Variants in SYNE2 observed in about 807,000 individuals in gnomAD.
SYNE2 encodes the protein spectrin repeat containing nuclear envelope protein 2.
A neutral mutation model predicts 856.3 loss-of-function variants in SYNE2; 431 were observed. That is an observed-to-expected ratio of 0.50 (90% CI 0.47 to 0.55). The LOEUF is 0.55. Among genes scored for constraint, SYNE2 ranks in the 20% least tolerant of loss-of-function variants. The probability of loss-of-function intolerance (pLI) is 0.00; values close to 1 mark genes in which losing one functional copy is unlikely to be tolerated. For missense variants in SYNE2, 8,129 were observed against 8,023.2 expected (o/e 1.01, Z -0.50); for synonymous variants, 2,923 against 2,872.3 (o/e 1.02, Z -0.56).
At chr14:63,831,004 C>G (rs1382807956) in intron 1 of SYNE2, among the ~76,000 whole-genome samples, 1 of 151,930 alleles carries the variant, frequency 6.6e-6, no homozygotes, top group Non-Finnish European at 1.5e-5. Flanking sequence ...CCCTGCCCGG[C>G]TAATTTTTGT....
At chr14:63,807,588 T>G (rs924382592) in intron 1 of SYNE2, among the ~76,000 whole-genome samples, 3 of 151,102 alleles carry the variant, frequency 2.0e-5, no homozygotes, top group Non-Finnish European at 4.4e-5. Flanking sequence ...TAGAAATTGG[T>G]TTTTTCTCTC....
intron 1 of SYNE2, among the ~76,000 whole-genome samples, chr14:63,796,582 G>C (rs1420825363): frequency 6.6e-5 from 10 of 152,088 alleles, no homozygotes; most frequent in Admixed American, 6.6e-4. Flanking sequence ...GAAGATATAT[G>C]TTTTCCAATT....
At chr14:63,808,310 G>A (rs926434528) in intron 1 of SYNE2, among the ~76,000 whole-genome samples, 1 of 151,958 alleles carries the variant, frequency 6.6e-6, no homozygotes. Context: ...CCAACATGGT[G>A]AAACCCTGTC....
At chr14:64,210,506 AC>A (rs368458289) in intron 103 of SYNE2, among the ~76,000 whole-genome samples, 10 of 148,512 alleles carry the variant, frequency 6.7e-5, no homozygotes, top group African/African-American at 2.2e-4. Flanking sequence ...TTTTTATGGG[AC>A]CCCCCCCAGC....
intron 87 of SYNE2, among the ~76,000 whole-genome samples, chr14:64,159,768 T>A (rs1347857109): frequency 1.3e-5 from 2 of 151,868 alleles, no homozygotes; most frequent in Non-Finnish European, 2.9e-5. Context: ...GACAAAGGAG[T>A]GGGCCAGATG....
chr14:64,072,497 C>T (rs1388693760), intron 52 of SYNE2, among the ~76,000 whole-genome samples: 1 of 107,236 alleles, frequency 9.3e-6, no homozygotes, highest in Non-Finnish European at 2.2e-5. Flanking sequence ...GCTACCTATA[C>T]TTCTCCTTTT....
chr14:63,914,481 G>T (rs1302980670), intron 2 of SYNE2, among the ~76,000 whole-genome samples: 1 of 152,188 alleles, frequency 6.6e-6, no homozygotes, highest in Non-Finnish European at 1.5e-5. Context: ...TGCCTTAAGG[G>T]ATTAATCTGG....
At chr14:64,162,317 C>G in intron 88 of SYNE2, 41 bp downstream of exon 88, 1 of 1,595,404 alleles carries the variant, frequency 6.3e-7, no homozygotes, top group Non-Finnish European at 8.6e-7. Context: ...GCCAAGTCAG[C>G]CCAACAGATG....
chr14:64,120,950 C>T lies in SYNE2; in HGVS notation c.13047C>T (p.Ser4349=), dbSNP rs983637929. 2 of 1,613,990 alleles carry T rather than the reference C, an allele frequency of 1.2e-6. No individual in the cohort carries two copies. Among genetic ancestry groups the T allele is most frequent in the Non-Finnish European group, 1.7e-6 (2 of 1,179,986 alleles). Reference sequence around the variant, plus strand: ...AGCATCCTACCATTCTAAAGAAATCCTCAGAGCCAGAGCATCAAGAAGCTC... The same window carrying T: ...AGCATCCTACCATTCTAAAGAAATCTTCAGAGCCAGAGCATCAAGAAGCTC... ...EDQHPTILKK[S]SEPEHQEALQ... is the part of the protein sequence containing the mutation. The change falls in exon 68 of 116, where the codon TCC becomes TCT. Residue 4349 remains serine (S), a synonymous_variant. Coordinates refer to ENST00000555002, the MANE Select transcript of SYNE2 (RefSeq NM_182914.3).
rs2098579645 is a variant in SYNE2 at position 64,202,685 on chromosome 14, C to CT, written c.18039-110dup. The CT allele has an allele frequency of 3.5e-5, 48 of 1,358,618 alleles. No individual in the cohort carries two copies. In the South Asian group the frequency reaches 5.3e-4, roughly 15 times the overall value. 84.2% of individuals were successfully genotyped at this position (1,358,618 alleles called of 1,614,324 possible). A position where few individuals can be genotyped will look rare whatever the true frequency, so the allele number is the denominator to read the frequency against. ...ATATAAAATCAAAGCAAAATAGATT[C>CT]TTTTTTACCCTGCAATGCTCTTACT... On this transcript the variant is annotated intron_variant, in intron 99 of 115. Coordinates refer to ENST00000555002, the MANE Select transcript of SYNE2 (RefSeq NM_182914.3).
chr14:63,860,310 A>G (rs1893185068), intron 1 of SYNE2, among the ~76,000 whole-genome samples: 1 of 151,864 alleles, frequency 6.6e-6, no homozygotes, highest in South Asian at 2.1e-4. Flanking sequence ...TGCAGGGTGC[A>G]CTGCCTCCTT....
chr14:64,095,324 A>G (rs2097667485), intron 61 of SYNE2, among the ~76,000 whole-genome samples: 1 of 152,250 alleles, frequency 6.6e-6, no homozygotes, highest in Non-Finnish European at 1.5e-5. Context: ...TATTAATTGT[A>G]AAACGGAATC....
chr14:64,072,814 C>G (rs1331762749), intron 52 of SYNE2, among the ~76,000 whole-genome samples: 3 of 152,128 alleles, frequency 2.0e-5, no homozygotes. Context: ...ACACTTCTGG[C>G]TGATAGGCTA....
At chr14:64,173,958 T>G in intron 94 of SYNE2, 1 of 696,802 alleles carries the variant, frequency 1.4e-6, no homozygotes, top group Non-Finnish European at 2.6e-6. Flanking sequence ...TTCGCTACTC[T>G]CTGCACACTG....
At chr14:63,975,811 C>T (rs2096537817) in intron 11 of SYNE2, among the ~76,000 whole-genome samples, 2 of 152,214 alleles carry the variant, frequency 1.3e-5, no homozygotes, top group Admixed American at 1.3e-4. Flanking sequence ...ACACCAGAAG[C>T]TTTCTGTATC....
chr14:63,931,251 G>A (rs1322544435), intron 2 of SYNE2, among the ~76,000 whole-genome samples: 2 of 152,002 alleles, frequency 1.3e-5, no homozygotes, highest in Non-Finnish European at 2.9e-5. Flanking sequence ...ATTGCCTAGG[G>A]GTTATTAAAA....
chr14:64,068,755 G>C (rs1255969), intron 51 of SYNE2, among the ~76,000 whole-genome samples: 110,787 of 150,726 alleles, frequency 0.74, 43,162 homozygotes, highest in Non-Finnish European at 0.87. Flanking sequence ...CCAGCTGCTC[G>C]GGAGGCTGAG....
intron 66 of SYNE2, among the ~76,000 whole-genome samples, chr14:64,116,695 C>T (rs1013661447): frequency 6.6e-6 from 1 of 152,202 alleles, no homozygotes; most frequent in African/African-American, 2.4e-5. Flanking sequence ...AGATTACAGG[C>T]ATGAGCCACC....
chr14:64,175,505 T>C (rs969933941), intron 95 of SYNE2, among the ~76,000 whole-genome samples: 1 of 152,212 alleles, frequency 6.6e-6, no homozygotes, highest in Non-Finnish European at 1.5e-5. Context: ...TTCCAAATAA[T>C]GTATGATTAT....
Sources: allele counts gnomAD v4.1 joint callset (sites outside exome capture counted in the v4.1 genomes callset), GRCh38; gene constraint gnomAD v4.1.1; transcripts MANE v1.5; gene names NCBI Gene and HGNC (gene_info 2026-07-23, HGNC 2026-07-21).